PCLO: variants seen among roughly 807,000 people sequenced by gnomAD.
PCLO encodes protein piccolo.
A neutral mutation model predicts 427.5 loss-of-function variants in PCLO; 82 were observed. That is an observed-to-expected ratio of 0.19 (90% confidence interval 0.16 to 0.23). The LOEUF is 0.23. Ranked by LOEUF, PCLO falls within the 10% of genes least tolerant of loss-of-function variation. The pLI is 1.00. For missense variants in PCLO, 6,239 were observed against 6,115.9 expected, an observed-to-expected ratio of 1.02 and a Z score of -0.67; for synonymous variants, 2,357 against 2,155.4, an observed-to-expected ratio of 1.09 and a Z score of -2.59.
rs376472657 is a variant in PCLO at position 82,952,867 on chromosome 7, T to C, written c.8086A>G (p.Ile2696Val). ...APSVGLSSISITIPPEPLALD... is the reference protein window; with the variant it reads ...APSVGLSSISVTIPPEPLALD... ...GCAAGAGGCTCTGGAGGAATTGTTA[T>C]GGAAATGCTGCTGAGACCAACACTA... is the stretch of plus-strand genomic sequence containing the variant. The change falls in exon 5 of 25, where the codon ATA (isoleucine) becomes GTA (valine). Residue 2696 changes from isoleucine to valine, a missense_variant. By Grantham distance (29) the Ile-to-Val change is conservative (BLOSUM62 3). Coordinates refer to ENST00000333891, the MANE Select transcript of PCLO (RefSeq NM_033026.6). 31 of 1,613,958 alleles carry C rather than the reference T, an allele frequency of 1.9e-5. No homozygotes were observed. In the East Asian group the frequency reaches 3.3e-4, roughly 17 times the overall value.
intron 20 of PCLO, among the ~76,000 whole-genome samples, chr7:82,819,183 C>T (rs1415012296): frequency 1.3e-5 from 2 of 151,910 alleles, no homozygotes; most frequent in African/African-American, 2.4e-5. Flanking sequence ...TTTAATTTAT[C>T]GTCTATTAGA....
At chr7:83,142,681 A>T (rs1373231526) in intron 2 of PCLO, among the ~76,000 whole-genome samples, 3 of 152,172 alleles carry the variant, frequency 2.0e-5, no homozygotes, top group African/African-American at 7.2e-5. Context: ...AAACATGGCC[A>T]GGCATGGTGG....
In PCLO at chr7:83,135,233, T is replaced by C. The variant is rs773516857; in HGVS notation, c.2317A>G (p.Thr773Ala). The C allele has an allele frequency of 3.7e-6, 6 of 1,613,822 alleles. No homozygotes were observed. Among genetic ancestry groups the C allele is most frequent in the South Asian group, 2.2e-5 (2 of 91,076 alleles). Residue 773 changes from threonine (T) to alanine (A), a missense_variant, in exon 3 of 25, where the codon ACA becomes GCA. Physicochemically the swap from Thr to Ala is moderately conservative, Grantham distance 58. Around this residue, in one of 5 missense-constraint regions of PCLO, gnomAD observed 4,677 missense variants for 4,468.4 expected, o/e 1.05. Transcript: ENST00000333891. ...GAGCTTGGAATATCAGGTTTTGTTGTTGCTGATGATGAAGATACAAGGTCA... is the reference window on the plus strand; with the variant it reads ...GAGCTTGGAATATCAGGTTTTGTTGCTGCTGATGATGAAGATACAAGGTCA... ...TTDLVSSSSA[T>A]TKPDIPSSKV... is the part of the protein sequence containing the mutation.
intron 2 of PCLO, among the ~76,000 whole-genome samples, chr7:83,144,999 G>C (rs771860146): frequency 3.0e-4 from 45 of 152,140 alleles, no homozygotes; most frequent in Non-Finnish European, 5.0e-4. Context: ...TTATTAGAGA[G>C]AGAAAGAATA....
Position 82,965,796 on chromosome 7 carries a change from T to C in PCLO, c.3992A>G (p.Gln1331Arg), listed in dbSNP as rs765441379. 2 of 1,606,518 alleles carry C rather than the reference T, an allele frequency of 1.2e-6. No homozygotes were observed. The highest frequency in any genetic ancestry group is 2.2e-5 in the East Asian group (1 of 44,818). Residue 1331 changes from glutamine (Q) to arginine (R), a missense_variant, in exon 4 of 25, where the codon CAG becomes CGG. Physicochemically the swap from Gln to Arg is conservative, Grantham distance 43 (BLOSUM62 1). Transcript: ENST00000333891. ...TGTTTTTTCTTTCCCAGGTTCCACC[T>C]GATCAGGTTTTGCTGTGCATGGTGG... ...PQPPCTAKPD[Q>R]VEPGKEKTEK...
intron 1 of PCLO, among the ~76,000 whole-genome samples, chr7:83,158,512 GC>G (rs1162028880): frequency 7.0e-6 from 1 of 143,028 alleles, no homozygotes; most frequent in African/African-American, 2.6e-5. Flanking sequence ...CTAACTTTAA[GC>G]AGAGTACCAA....
Position 82,754,997 on chromosome 7 carries a change from T to G in PCLO, c.*3578A>C, listed in dbSNP as rs1386470414. On this transcript the variant is annotated 3_prime_UTR_variant, in exon 25 of 25. Coordinates refer to ENST00000333891, the MANE Select transcript of PCLO (RefSeq NM_033026.6). Reference sequence around the variant, plus strand: ...TAAAAAAATACTATAAACATCTTTATGATATTTTAATGAAATGAAGCATTG... The same window carrying G: ...TAAAAAAATACTATAAACATCTTTAGGATATTTTAATGAAATGAAGCATTG... 1 of 152,140 alleles carries G rather than the reference T, an allele frequency of 6.6e-6. No homozygotes were observed. The highest frequency in any genetic ancestry group is 2.4e-5 in the African/African-American group (1 of 41,462). 9.4% of individuals were successfully genotyped at this position (152,140 alleles called of 1,614,324 possible). A position where few individuals can be genotyped will look rare whatever the true frequency, so the allele number is the denominator to read the frequency against.
At chr7:83,052,607 G>A (rs953161679) in intron 3 of PCLO, among the ~76,000 whole-genome samples, 3 of 151,936 alleles carry the variant, frequency 2.0e-5, no homozygotes, top group African/African-American at 7.2e-5. Context: ...CTTACTGGAT[G>A]TTCTACAGGA....
intron 3 of PCLO, among the ~76,000 whole-genome samples, chr7:83,103,503 A>T (rs1249455782): frequency 6.6e-6 from 1 of 151,932 alleles, no homozygotes; most frequent in African/African-American, 2.4e-5. Flanking sequence ...CTATATACAA[A>T]AATCACTATG....
At chr7:82,792,420 G>A (rs1340826933) in intron 22 of PCLO, among the ~76,000 whole-genome samples, 1 of 150,562 alleles carries the variant, frequency 6.6e-6, no homozygotes, top group Non-Finnish European at 1.5e-5. Flanking sequence ...TCTGCCTCCT[G>A]AGCCCAAGCG....
intron 3 of PCLO, among the ~76,000 whole-genome samples, chr7:83,074,497 T>G (rs1021294824): frequency 6.6e-6 from 1 of 152,142 alleles, no homozygotes; most frequent in African/African-American, 2.4e-5. Flanking sequence ...TGGACACCTA[T>G]GAGACGTAGA....
At chr7:82,829,564 A>G (rs971058682) in intron 16 of PCLO, among the ~76,000 whole-genome samples, 44 of 152,166 alleles carry the variant, frequency 2.9e-4, no homozygotes, top group African/African-American at 1.1e-3. Flanking sequence ...GACAGCTGTC[A>G]CTCAAGATAA....
At chr7:82,893,123 C>T (rs536999905) in intron 9 of PCLO, among the ~76,000 whole-genome samples, 3,007 of 151,986 alleles carry the variant, frequency 0.02, 105 homozygotes, top group African/African-American at 0.069. Flanking sequence ...CACATGCACA[C>T]GTATGGTTAT....
chr7:83,148,217 T>A (rs2116661040), intron 2 of PCLO, among the ~76,000 whole-genome samples: 1 of 152,258 alleles, frequency 6.6e-6, no homozygotes, highest in Middle Eastern at 3.4e-3. Flanking sequence ...TTAGTCACCA[T>A]TAAAAATTCT....
intron 4 of PCLO, among the ~76,000 whole-genome samples, chr7:82,963,727 T>C (rs1795703574): frequency 6.6e-6 from 1 of 152,118 alleles, no homozygotes; most frequent in African/African-American, 2.4e-5. Flanking sequence ...AATGTATCTG[T>C]ATTTACTATC....
chr7:82,895,171 A>G (rs1793871617), intron 9 of PCLO, among the ~76,000 whole-genome samples: 1 of 152,040 alleles, frequency 6.6e-6, no homozygotes. Flanking sequence ...AAAGATCAAG[A>G]GCAGAAAGAG....
At chr7:82,965,383 C>T (rs550812610) in intron 4 of PCLO, among the ~76,000 whole-genome samples, 58 of 145,528 alleles carry the variant, frequency 4.0e-4, no homozygotes, top group Middle Eastern at 3.9e-3. Context: ...TTGACTCTTA[C>T]GTAAACAAAT....
At chr7:82,830,990 T>G (rs1275643828) in intron 16 of PCLO, among the ~76,000 whole-genome samples, 4 of 152,080 alleles carry the variant, frequency 2.6e-5, no homozygotes, top group Admixed American at 2.6e-4. Flanking sequence ...AACCCTTAAT[T>G]GTATTGACAT....
At position 82,949,768 on chromosome 7, in the gene PCLO, T is replaced by A; in HGVS notation, c.10820A>T (p.Asp3607Val). ...EIGYSSHLRA[D>V]STVQLAPSPP... Reference sequence around the variant, plus strand: ...GGAAGGAGCCAGCTGTACTGTGGAATCTGCCCGGAGGTGAGATGAATAACC... The same window carrying A: ...GGAAGGAGCCAGCTGTACTGTGGAAACTGCCCGGAGGTGAGATGAATAACC... The change falls in exon 6 of 25, where the codon GAT becomes GTT. Residue 3607 changes from aspartate to valine, a missense_variant. Asp to Val is a radical substitution (Grantham distance 152, BLOSUM62 -3). Transcript: ENST00000333891. The A allele has an allele frequency of 1.2e-6, 2 of 1,613,840 alleles. No individual in the cohort carries two copies. The highest frequency in any genetic ancestry group is 1.7e-6 in the Non-Finnish European group (2 of 1,179,848).
Sources: gnomAD v4.1 joint callset for allele counts (sites outside exome capture counted in the v4.1 genomes callset) on GRCh38, gnomAD v4.1.1 for gene constraint, gnomAD v4.1.1 regional missense constraint, MANE v1.5 for transcripts, NCBI Gene and HGNC (gene_info 2026-07-23, HGNC 2026-07-21) for gene names.